CRTC1: variants seen among roughly 807,000 people sequenced by gnomAD.
CRTC1 encodes the protein CREB-regulated transcription coactivator 1.
A neutral mutation model predicts 66.1 loss-of-function variants in CRTC1; 18 were observed. The ratio of observed to expected loss-of-function variants is 0.27; its 90% CI spans 0.19 to 0.40. The LOEUF is 0.40. Ranked by LOEUF, CRTC1 falls within the 10% of genes least tolerant of loss-of-function variation. The pLI, the probability that CRTC1 is intolerant of heterozygous loss-of-function variation, is 1.00. For synonymous variants in CRTC1, 416 were observed against 398.8 expected, an observed-to-expected ratio of 1.04 and a Z score of -0.51; for missense variants, 669 against 887.9, an observed-to-expected ratio of 0.75 and a Z score of 3.13.
At chr19:18,736,972 A>G (rs1033357366) in intron 1 of CRTC1, among the ~76,000 whole-genome samples, 3 of 152,046 alleles carry the variant, frequency 2.0e-5, no homozygotes, top group African/African-American at 7.2e-5. Flanking sequence ...TTCCTGGGAG[A>G]CTGAGTGCTG....
intron 2 of CRTC1, 93 bp from the exon 3 acceptor site, chr19:18,745,730 C>A (rs1222417032): frequency 6.5e-7 from 1 of 1,531,990 alleles, no homozygotes; most frequent in Non-Finnish European, 9.0e-7. Context: ...AGTGGGGGGC[C>A]CTGCGATCAG....
chr19:18,756,883 G>A (rs535749256), intron 6 of CRTC1, among the ~76,000 whole-genome samples: 2 of 152,110 alleles, frequency 1.3e-5, no homozygotes, highest in Non-Finnish European at 2.9e-5. Flanking sequence ...GAACGTGATC[G>A]CCGGTGTGCT....
chr19:18,763,540 G>T (rs550608235), intron 8 of CRTC1, among the ~76,000 whole-genome samples: 1 of 152,208 alleles, frequency 6.6e-6, no homozygotes, highest in Non-Finnish European at 1.5e-5. Flanking sequence ...CCATGAAATC[G>T]CCGGACAACG....
At chr19:18,704,057 T>G (rs57407059) in intron 1 of CRTC1, among the ~76,000 whole-genome samples, 1,917 of 152,342 alleles carry the variant, frequency 0.013, 40 homozygotes, top group African/African-American at 0.043. Flanking sequence ...TTCTGGCAAT[T>G]GGACTGAGGT....
intron 1 of CRTC1, among the ~76,000 whole-genome samples, chr19:18,723,411 T>G (rs57763554): frequency 0.13 from 19,560 of 152,278 alleles, 1,374 homozygotes; most frequent in Non-Finnish European, 0.15. Context: ...TCTTCCCATC[T>G]GCCTTAGCAT....
intron 1 of CRTC1, among the ~76,000 whole-genome samples, chr19:18,701,131 T>G (rs1044581105): frequency 2.6e-5 from 4 of 152,224 alleles, no homozygotes; most frequent in Non-Finnish European, 5.9e-5. Context: ...GCTAATCCCT[T>G]CACTGCCGGC....
chr19:18,707,732 C>T (rs775840460), intron 1 of CRTC1, among the ~76,000 whole-genome samples: 2 of 152,196 alleles, frequency 1.3e-5, no homozygotes, highest in Admixed American at 6.5e-5. Flanking sequence ...CAGTGGTTCA[C>T]GCCTGTAATC....
At chr19:18,739,405 T>G (rs1325456054) in intron 1 of CRTC1, among the ~76,000 whole-genome samples, 1 of 152,234 alleles carries the variant, frequency 6.6e-6, no homozygotes, top group Non-Finnish European at 1.5e-5. Flanking sequence ...GCCTGAGGCC[T>G]CCTGGGTTTT....
intron 4 of CRTC1, 61 bp downstream of exon 4, chr19:18,747,175 T>C: frequency 8.9e-7 from 1 of 1,119,116 alleles, no homozygotes; most frequent in South Asian, 1.3e-5. Context: ...CAAACTCTCA[T>C]CATGGTTACA....
chr19:18,740,541 A>G (rs2054089310), intron 1 of CRTC1, among the ~76,000 whole-genome samples: 1 of 152,196 alleles, frequency 6.6e-6, no homozygotes, highest in Admixed American at 6.5e-5. Context: ...AGACTCTGCC[A>G]TAGCCCAAGG....
At chr19:18,762,105 A>G (rs1473054023) in intron 8 of CRTC1, among the ~76,000 whole-genome samples, 2 of 152,194 alleles carry the variant, frequency 1.3e-5, no homozygotes, top group East Asian at 1.9e-4. Flanking sequence ...CCTGCCCCGC[A>G]TAGAAGCCAC....
Position 18,768,751 on chromosome 19 carries a change from A to C in CRTC1, c.1278A>C (p.Pro426=). Residue 426 remains proline, a synonymous_variant, in exon 10 of 14, where the codon CCA becomes CCC. Transcript: ENST00000321949. The surrounding 1 kb of genome is among the most constrained non-coding windows in gnomAD (Gnocchi z 5.6). ...TVPSSLPQSP[P]ENPGQPSMGI... The stretch of plus-strand genomic sequence containing the variant: ...CGTCCTCTCTCCCCCAGTCCCCCCC[A>C]GAGAACCCTGGCCAGCCATCGATGG... The C allele has an allele frequency of 6.2e-7, 1 of 1,601,410 alleles. No individual in the cohort carries two copies. The highest frequency in any genetic ancestry group is 1.1e-5 in the South Asian group (1 of 88,700).
chr19:18,730,561 G>A (rs1285481111), intron 1 of CRTC1, among the ~76,000 whole-genome samples: 5 of 151,912 alleles, frequency 3.3e-5, no homozygotes, highest in Non-Finnish European at 7.4e-5. Flanking sequence ...CACCCTCCCC[G>A]TCCCTCTGCA....
intron 3 of CRTC1, 54 bp downstream of exon 3, chr19:18,746,014 A>C: frequency 6.4e-7 from 1 of 1,554,756 alleles, no homozygotes; most frequent in African/African-American, 1.4e-5. Context: ...CGGTGCCGGC[A>C]GGACCCCAAG....
At chr19:18,752,141 C>T (rs1402481113) in intron 5 of CRTC1, among the ~76,000 whole-genome samples, 1 of 138,040 alleles carries the variant, frequency 7.2e-6, no homozygotes, top group Non-Finnish European at 1.5e-5. Context: ...GAGAGCAAGA[C>T]TGTCTCAAAA....
rs748866114 is a variant in CRTC1 at position 18,760,154 on chromosome 19, C to T, written c.812C>T (p.Ala271Val). The change falls in exon 8 of 14, where the codon GCA (alanine) becomes GTA (valine). Residue 271 changes from alanine to valine, a missense_variant. By Grantham distance (64) the Ala-to-Val change is moderately conservative. Transcript: ENST00000321949. This position sits in a 1 kb window ranked among gnomAD's most constrained non-coding sequence, Gnocchi z 6.2. ...PLDPEEPTFP[A>V]LSSSSSTGNL... ...GACCCCGAGGAGCCCACCTTCCCTG[C>T]ACTGAGCAGCTCCAGCAGCACCGGC... The T allele has an allele frequency of 1.9e-6, 3 of 1,613,858 alleles. No individual in the cohort carries two copies. The highest frequency in any genetic ancestry group is 2.5e-6 in the Non-Finnish European group (3 of 1,179,872).
Position 18,745,933 on chromosome 19 carries a change from C to T in CRTC1, c.354C>T (p.Pro118=). 6.2e-7 allele frequency: 1 copy of T among 1,612,328 alleles called. No homozygotes were observed. The highest frequency in any genetic ancestry group is 8.5e-7 in the Non-Finnish European group (1 of 1,179,144). The change falls in exon 3 of 14, where the codon CCC becomes CCT. Residue 118 remains proline, a synonymous_variant. Coordinates refer to ENST00000321949, the MANE Select transcript of CRTC1 (RefSeq NM_015321.3). ...GGCTCGGCTCCCCACACCGCCGGCC[C>T]CTGTCAGTGGACAAACACGGACGGC... is the stretch of plus-strand genomic sequence containing the variant. ...RGRLGSPHRR[P]LSVDKHGRQA...
chr19:18,753,493 T>G lies in CRTC1; in HGVS notation c.539-7T>G, dbSNP rs1235277517. ...TGATTCTCCTTCTCCCCCTCCCACC[T>G]CCCCAGTCTTACTGTTAACAGTCCC... On this transcript the variant is annotated splice_polypyrimidine_tract_variant and splice_region_variant and intron_variant, in intron 5 of 13. Transcript: ENST00000321949. 1 of 1,598,010 alleles carries G rather than the reference T, an allele frequency of 6.3e-7. No homozygotes were observed. Among genetic ancestry groups the G allele is most frequent in the East Asian group, 2.2e-5 (1 of 44,714 alleles).
Position 18,780,528 on chromosome 19 carries a change from C to T in CRTC1, c.*3146C>T. The T allele has an allele frequency of 4.3e-6, 1 of 230,198 alleles. No individual in the cohort carries two copies. The highest frequency in any genetic ancestry group is 8.6e-6 in the Non-Finnish European group (1 of 116,232). The allele number at this position is 230,198 out of a possible 1,614,324, so 14.3% of individuals were successfully genotyped here. On this transcript the variant is annotated 3_prime_UTR_variant, in exon 14 of 14. Transcript: ENST00000321949. ...TGTTTGGCCTGATTTCTTCAGGGGG[C>T]CAAGCTCCCGGGAGGACCCCTAGCC...
Sources: allele counts gnomAD v4.1 joint callset (sites outside exome capture counted in the v4.1 genomes callset), GRCh38; gene constraint gnomAD v4.1.1; non-coding constraint Gnocchi (gnomAD v3.1); transcripts MANE v1.5; gene names NCBI Gene and HGNC (gene_info 2026-07-23, HGNC 2026-07-21).